The following ADAMTSL1 variants were observed in gnomAD, a reference collection of about 807,000 sequenced individuals.
The protein encoded by ADAMTSL1 is ADAMTS-like protein 1.
ADAMTSL1 carries 126 observed loss-of-function variants against 201.8 expected under a neutral mutation model. The ratio of observed to expected loss-of-function variants is 0.62; its 90% CI spans 0.54 to 0.72. ADAMTSL1 has a LOEUF of 0.72. Among genes scored for constraint, ADAMTSL1 ranks in the 30% least tolerant of loss-of-function variants. The pLI is 0.00. For missense variants in ADAMTSL1, 2,679 were observed against 2,277.8 expected (o/e 1.18, Z -3.59); for synonymous variants, 1,121 against 903.4 (o/e 1.24, Z -4.32).
intron 2 of ADAMTSL1, among the ~76,000 whole-genome samples, chr9:18,237,021 C>G (rs1490298620): frequency 6.6e-6 from 1 of 152,172 alleles, no homozygotes; most frequent in Non-Finnish European, 1.5e-5. Flanking sequence ...GACTATTGCC[C>G]TATACATTTT....
chr9:18,883,735 G>A (rs531477267), intron 23 of ADAMTSL1, among the ~76,000 whole-genome samples: 1 of 152,260 alleles, frequency 6.6e-6, no homozygotes, highest in Admixed American at 6.5e-5. Flanking sequence ...CCATGTTGTA[G>A]CATATGTCAG....
chr9:18,565,920 C>T (rs1265774683), intron 3 of ADAMTSL1, among the ~76,000 whole-genome samples: 2 of 151,994 alleles, frequency 1.3e-5, no homozygotes, highest in African/African-American at 4.8e-5. Context: ...CTTTATAGTG[C>T]GTGCTTACAA....
intron 2 of ADAMTSL1, among the ~76,000 whole-genome samples, chr9:18,407,078 C>A (rs1381072505): frequency 6.6e-6 from 1 of 152,188 alleles, no homozygotes; most frequent in Non-Finnish European, 1.5e-5. Flanking sequence ...AATCCCACCT[C>A]TATGGCACTT....
Position 18,279,848 on chromosome 9 carries a change from C to G in ADAMTSL1, c.207+115867C>G, listed in dbSNP as rs538614302. 7.2e-5 allele frequency among the ~76,000 whole-genome samples: 11 copies of G among 152,184 alleles called. No homozygotes were observed. The South Asian group carries it at 2.3e-3, about 32-fold the overall frequency. ...GGGTGGGCCAGCCTGGAGCCTGGGT[C>G]TGTGGGTGTTAGCCTGGATCCCGGG... On this transcript the variant is annotated intron_variant, in intron 2 of 29. Transcript: ENST00000680146.
chr9:18,546,246 C>G (rs1373331758), intron 3 of ADAMTSL1, among the ~76,000 whole-genome samples: 2 of 152,042 alleles, frequency 1.3e-5, no homozygotes, highest in African/African-American at 4.8e-5. Flanking sequence ...GGTTTCAACT[C>G]AGTTGAGAGT....
In ADAMTSL1 at chr9:18,684,808, G is replaced by C; in HGVS notation, c.1574+8G>C. The C allele has an allele frequency of 4.4e-6, 7 of 1,607,060 alleles. No individual in the cohort carries two copies. Among genetic ancestry groups the C allele is most frequent in the Non-Finnish European group, 5.9e-6 (7 of 1,176,984 alleles). ...TGTGTCAGAGGAGCCCTCGTAAGTTGTAAAAGCACAGACTGTTCTATATTT... is the reference window on the plus strand; with the variant it reads ...TGTGTCAGAGGAGCCCTCGTAAGTTCTAAAAGCACAGACTGTTCTATATTT... On this transcript the variant is annotated splice_region_variant and intron_variant, in intron 13 of 28. Transcript: ENST00000380548.
intron 2 of ADAMTSL1, among the ~76,000 whole-genome samples, chr9:18,184,614 A>C (rs1181777335): frequency 1.3e-5 from 2 of 152,240 alleles, no homozygotes; most frequent in East Asian, 3.8e-4. Context: ...ATGAGTAGGC[A>C]TTCTTTAGTA....
At chr9:18,681,699 G>GTGGGGGT in intron 11 of ADAMTSL1, 113 bp from the exon 12 acceptor site, 1 of 287,436 alleles carries the variant, frequency 3.5e-6, no homozygotes, top group Non-Finnish European at 5.1e-6. Flanking sequence ...TCCTCGTGTG[G>GTGGGGGT]GGGGGGGGGG....
intron 2 of ADAMTSL1, among the ~76,000 whole-genome samples, chr9:18,284,865 A>G (rs2132647220): frequency 6.6e-6 from 1 of 152,330 alleles, no homozygotes; most frequent in Non-Finnish European, 1.5e-5. Context: ...GAATAAATAG[A>G]AAACTATCCG....
chr9:18,519,835 T>C (rs1587441213), intron 2 of ADAMTSL1, among the ~76,000 whole-genome samples: 1 of 152,258 alleles, frequency 6.6e-6, no homozygotes, highest in East Asian at 1.9e-4. Context: ...GAGCAGTTTC[T>C]GGCTTCGTTA....
At chr9:18,094,145 G>A (rs1388717420) in intron 1 of ADAMTSL1, among the ~76,000 whole-genome samples, 1 of 152,044 alleles carries the variant, frequency 6.6e-6, no homozygotes, top group Non-Finnish European at 1.5e-5. Flanking sequence ...TACCATTATT[G>A]GTTGCCTGTT....
At chr9:18,404,573 C>T (rs1818111859) in intron 2 of ADAMTSL1, among the ~76,000 whole-genome samples, 1 of 152,216 alleles carries the variant, frequency 6.6e-6, no homozygotes, top group African/African-American at 2.4e-5. Context: ...CCAGGCTTTC[C>T]TTTTCAGCTA....
chr9:18,655,107 T>C (rs1199814977), intron 7 of ADAMTSL1, among the ~76,000 whole-genome samples: 1 of 152,260 alleles, frequency 6.6e-6, no homozygotes, highest in Non-Finnish European at 1.5e-5. Context: ...AGCTCACATA[T>C]TGCCTTTTGC....
At chr9:18,373,094 G>C (rs149265463) in intron 2 of ADAMTSL1, among the ~76,000 whole-genome samples, 3 of 152,072 alleles carry the variant, frequency 2.0e-5, no homozygotes, top group Admixed American at 2.0e-4. Flanking sequence ...AAAATTATAG[G>C]TTTAAGTTGG....
At chr9:18,279,962 C>T (rs13299428) in intron 2 of ADAMTSL1, among the ~76,000 whole-genome samples, 7,071 of 152,000 alleles carry the variant, frequency 0.047, 254 homozygotes, top group Non-Finnish European at 0.075. Flanking sequence ...TTGCCTAGAG[C>T]CTATGCCTTT....
intron 23 of ADAMTSL1, among the ~76,000 whole-genome samples, chr9:18,838,882 TA>T (rs1445359785): frequency 1.3e-3 from 180 of 143,140 alleles, no homozygotes; most frequent in African/African-American, 3.2e-3. Context: ...CTCTTTTTTT[TA>T]AAAAAAAAAA....
intron 21 of ADAMTSL1, among the ~76,000 whole-genome samples, chr9:18,821,032 G>A (rs1824179595): frequency 6.6e-6 from 1 of 152,170 alleles, no homozygotes; most frequent in South Asian, 2.1e-4. Context: ...GTAGGCAGGG[G>A]CTAGATCTTA....
rs1823595208 is a variant in ADAMTSL1, at chr9:18,083,270, C to G, written c.88-80592C>G. 2.0e-5 allele frequency among the ~76,000 whole-genome samples: 3 copies of G among 152,112 alleles called. No individual in the cohort carries two copies. The South Asian group carries it at 6.2e-4, about 32-fold the overall frequency. ...AGATGATGGTAAGTAGGTTCAGACA[C>G]TTTAAAAGCAGGTTTGTCTTGTATG... On this transcript the variant is annotated intron_variant, in intron 1 of 29. Transcript: ENST00000680146.
intron 4 of ADAMTSL1, among the ~76,000 whole-genome samples, chr9:18,603,442 A>G (rs898779302): frequency 6.6e-6 from 1 of 151,842 alleles, no homozygotes; most frequent in African/African-American, 2.4e-5. Context: ...TGTACTATGC[A>G]GTATTGTTGG....
Sources: allele counts gnomAD v4.1 joint callset (sites outside exome capture counted in the v4.1 genomes callset), GRCh38; gene constraint gnomAD v4.1.1; transcripts MANE v1.5; gene names NCBI Gene and HGNC (gene_info 2026-07-23, HGNC 2026-07-21).